CNOT2: variants seen among roughly 807,000 people sequenced by gnomAD.
The protein encoded by CNOT2 is CC chemokine receptor 4-negative regulator of transcription 2.
CNOT2 carries 7 observed loss-of-function variants against 72.1 expected under a neutral mutation model. The ratio of observed to expected loss-of-function variants is 0.10; its 90% CI spans 0.06 to 0.18. The LOEUF (loss-of-function observed/expected upper bound fraction) is 0.18, where lower values mean the gene tolerates loss of function less well. Among genes scored for constraint, CNOT2 ranks in the 10% least tolerant of loss-of-function variants. CNOT2 has a pLI of 1.00. For synonymous variants in CNOT2, 196 were observed against 225.6 expected (o/e 0.87, Z 1.17); for missense variants, 345 against 660.3 (o/e 0.52, Z 5.23).
chr12:70,348,161 G>A (rs144292640), intron 15 of CNOT2: 64 of 152,322 alleles, frequency 4.2e-4, no homozygotes, highest in African/African-American at 1.4e-3. Flanking sequence ...ATACATGGTG[G>A]TGGTTGTACT....
At chr12:70,252,719 G>A (rs1404368739) in intron 1 of CNOT2, among the ~76,000 whole-genome samples, 1 of 152,108 alleles carries the variant, frequency 6.6e-6, no homozygotes, top group Non-Finnish European at 1.5e-5. Flanking sequence ...TTGGCTAGGT[G>A]ACTTATTCTC....
chr12:70,344,876 C>T (rs1412367898), intron 14 of CNOT2: 2 of 152,094 alleles, frequency 1.3e-5, no homozygotes, highest in Admixed American at 6.6e-5. Context: ...ATAAATAATT[C>T]GATACTGAAT....
At chr12:70,281,144 T>G (rs1869768026) in intron 2 of CNOT2, among the ~76,000 whole-genome samples, 1 of 150,024 alleles carries the variant, frequency 6.7e-6, no homozygotes, top group South Asian at 2.1e-4. Context: ...CAGGCTGGAG[T>G]GCAGTGGTGC....
At chr12:70,318,025 G>A (rs561707665) in intron 3 of CNOT2, among the ~76,000 whole-genome samples, 34 of 151,564 alleles carry the variant, frequency 2.2e-4, no homozygotes, top group Non-Finnish European at 4.3e-4. Flanking sequence ...TCCTTTTCCC[G>A]TTATACCCCA....
intron 1 of CNOT2, chr12:70,243,883 C>T (rs1565714974): frequency 2.6e-5 from 4 of 152,256 alleles, no homozygotes; most frequent in Non-Finnish European, 1.5e-5. Flanking sequence ...CGCCGCGCTG[C>T]TTCCTGGGGG....
chr12:70,329,507 G>A lies in CNOT2; in HGVS notation c.323G>A (p.Ser108Asn). The A allele has an allele frequency of 1.2e-6, 2 of 1,611,402 alleles. No individual in the cohort carries two copies. Among genetic ancestry groups the A allele is most frequent in the South Asian group, 1.1e-5 (1 of 91,030 alleles). The part of the protein sequence containing the change: ...RSLSQGTQLP[S>N]HVTPTTGVPT... ...TTATCACAAGGCACTCAGTTACCGA[G>A]CCACGTCACGCCAACAACAGGGGTA... Residue 108 changes from serine to asparagine, a missense_variant, in exon 5 of 16, where the codon AGC (serine) becomes AAC (asparagine). Coordinates refer to ENST00000229195, the MANE Select transcript of CNOT2 (RefSeq NM_014515.7).
rs559791970 is a variant in CNOT2 at position 70,268,916 on chromosome 12, G to C, written c.-95-9216G>C. On this transcript the variant is annotated intron_variant, in intron 1 of 15. Coordinates refer to ENST00000229195, the MANE Select transcript of CNOT2 (RefSeq NM_014515.7). ...GCAAAAAGGATCATACCTGTTTTCA[G>C]ACTTGTCTTTTTAAACACTTGAGTT... Among the ~76,000 whole-genome samples the C allele has an allele frequency of 2.8e-4, 43 of 152,308 alleles. No individual in the cohort carries two copies. The South Asian group carries it at 5.6e-3, about 20-fold the overall frequency.
chr12:70,342,100 T>C lies in CNOT2; in HGVS notation c.1179-7T>C. ...TTTCAAAATGTTTTCTTTTCCTCCTTATTCAGAAATCTCTACCCCAAATTT... is the reference window on the plus strand; with the variant it reads ...TTTCAAAATGTTTTCTTTTCCTCCTCATTCAGAAATCTCTACCCCAAATTT... On this transcript the variant is annotated splice_region_variant and splice_polypyrimidine_tract_variant and intron_variant, in intron 11 of 15. Coordinates refer to ENST00000229195, the MANE Select transcript of CNOT2 (RefSeq NM_014515.7). The C allele has an allele frequency of 1.3e-6, 2 of 1,541,778 alleles. No individual in the cohort carries two copies. The highest frequency in any genetic ancestry group is 1.8e-6 in the Non-Finnish European group (2 of 1,114,200).
At chr12:70,274,082 A>T (rs1014249462) in intron 1 of CNOT2, among the ~76,000 whole-genome samples, 1 of 152,130 alleles carries the variant, frequency 6.6e-6, no homozygotes, top group Non-Finnish European at 1.5e-5. Context: ...TTAATATGGC[A>T]ATTTTCCCAG....
chr12:70,352,018 ACT>A (rs1351059034), intron 15 of CNOT2, among the ~76,000 whole-genome samples: 6 of 151,454 alleles, frequency 4.0e-5, no homozygotes, highest in Admixed American at 3.3e-4. Flanking sequence ...TTCTTTATAA[ACT>A]CTCAGGGGAC....
intron 2 of CNOT2, among the ~76,000 whole-genome samples, chr12:70,307,299 T>C (rs956689213): frequency 6.6e-6 from 1 of 152,208 alleles, no homozygotes; most frequent in Non-Finnish European, 1.5e-5. Context: ...AATACTTGAC[T>C]TAAACACGTA....
At chr12:70,282,183 GT>G (rs1869985474) in intron 2 of CNOT2, among the ~76,000 whole-genome samples, 1 of 152,172 alleles carries the variant, frequency 6.6e-6, no homozygotes, top group Non-Finnish European at 1.5e-5. Flanking sequence ...ACATACCAGT[GT>G]AAGTGGTATG....
chr12:70,335,422 C>T lies in CNOT2; in HGVS notation c.650-16C>T, dbSNP rs147223048. 3.5e-4 allele frequency: 551 copies of T among 1,568,502 alleles called. No homozygotes were observed. The highest frequency in any genetic ancestry group is 4.5e-4 in the Non-Finnish European group (515 of 1,140,740). ...ATTTGTAGAATCAATAACCAGTGTC[C>T]TTTCTTATTATTTAGACGGAAGTGA... On this transcript the variant is annotated splice_polypyrimidine_tract_variant and intron_variant, in intron 7 of 15. Coordinates refer to ENST00000229195, the MANE Select transcript of CNOT2 (RefSeq NM_014515.7).
intron 3 of CNOT2, among the ~76,000 whole-genome samples, chr12:70,313,721 T>G (rs1437287655): frequency 6.6e-6 from 1 of 152,126 alleles, no homozygotes; most frequent in African/African-American, 2.4e-5. Context: ...TAATAGGCCT[T>G]TATATAACCA....
intron 1 of CNOT2, among the ~76,000 whole-genome samples, chr12:70,265,625 A>G (rs748094452): frequency 1.3e-5 from 2 of 150,074 alleles, no homozygotes; most frequent in Admixed American, 6.6e-5. Flanking sequence ...CTTTTTTTCA[A>G]TTTCTGTGTT....
At chr12:70,277,500 C>A (rs1869045888) in intron 1 of CNOT2, among the ~76,000 whole-genome samples, 1 of 152,012 alleles carries the variant, frequency 6.6e-6, no homozygotes, top group African/African-American at 2.4e-5. Context: ...TTGGAGTATG[C>A]ATGAAATTGG....
At chr12:70,250,846 A>G (rs1958110101) in intron 1 of CNOT2, among the ~76,000 whole-genome samples, 1 of 152,074 alleles carries the variant, frequency 6.6e-6, no homozygotes, top group Non-Finnish European at 1.5e-5. Flanking sequence ...TAAAGGGGAG[A>G]AGAGGTGATT....
At chr12:70,339,249 A>C (rs1372604034) in intron 11 of CNOT2, among the ~76,000 whole-genome samples, 1 of 151,828 alleles carries the variant, frequency 6.6e-6, no homozygotes, top group Non-Finnish European at 1.5e-5. Flanking sequence ...TCAATTTTAA[A>C]ATCTGAGCTC....
intron 2 of CNOT2, among the ~76,000 whole-genome samples, chr12:70,303,502 C>G (rs1874527070): frequency 6.6e-6 from 1 of 152,152 alleles, no homozygotes; most frequent in Non-Finnish European, 1.5e-5. Context: ...ATATGAAATT[C>G]TGGGTTGAAA....
Sources: allele counts gnomAD v4.1 joint callset (sites outside exome capture counted in the v4.1 genomes callset), GRCh38; gene constraint gnomAD v4.1.1; transcripts MANE v1.5; gene names NCBI Gene and HGNC (gene_info 2026-07-23, HGNC 2026-07-21).